The following RIC1 variants were observed in gnomAD, a reference collection of about 807,000 sequenced individuals.
The protein encoded by RIC1 is RIC1 partner of RAB6A GEF complex.
Under a neutral mutation model 169.0 loss-of-function variants are expected in RIC1, and 88 were observed. The observed-to-expected ratio is 0.52, with a 90% CI of 0.44 to 0.62. RIC1 has a LOEUF of 0.62. Among genes scored for constraint, RIC1 ranks in the 20% least tolerant of loss-of-function variants. The probability of loss-of-function intolerance (pLI) is 0.00; values close to 1 mark genes in which losing one functional copy is unlikely to be tolerated. For synonymous variants in RIC1, 790 were observed against 601.5 expected (o/e 1.31, Z -4.59); for missense variants, 1,877 against 1,725.5 (o/e 1.09, Z -1.56).
In RIC1 at chr9:5,754,844, C is replaced by A; in HGVS notation, c.1606C>A (p.Gln536Lys). ...TTTAAAAAATTTTTATTTTAAGGAG[C>A]AAAATATGATCGTGACAGGTGGCTT... ...WKLFGNITQE[Q>K]NMIVTGGLAW... The change falls in exon 15 of 26, where the codon CAA (glutamine) becomes AAA (lysine). Residue 536 changes from glutamine to lysine, a missense_variant. Around this residue, in one of 3 missense-constraint regions of RIC1, gnomAD observed 1,104 missense variants for 992.0 expected, o/e 1.11. Coordinates refer to ENST00000414202, the MANE Select transcript of RIC1 (RefSeq NM_020829.4). The A allele has an allele frequency of 6.4e-7, 1 of 1,553,036 alleles. No individual in the cohort carries two copies. The highest frequency in any genetic ancestry group is 8.8e-7 in the Non-Finnish European group (1 of 1,141,048).
At chr9:5,729,663 TTTAAG>T (rs1824239490) in intron 6 of RIC1, among the ~76,000 whole-genome samples, 1 of 152,188 alleles carries the variant, frequency 6.6e-6, no homozygotes, top group South Asian at 2.1e-4. Flanking sequence ...TGGAAAGGAA[TTTAAG>T]TTTTTAATGG....
At chr9:5,755,743 T>C (rs951811604) in intron 15 of RIC1, among the ~76,000 whole-genome samples, 1 of 152,052 alleles carries the variant, frequency 6.6e-6, no homozygotes, top group Non-Finnish European at 1.5e-5. Context: ...GCCAACATGG[T>C]GAAACCCCAT....
chr9:5,679,982 A>G (rs1210434409), intron 2 of RIC1, among the ~76,000 whole-genome samples: 7 of 152,212 alleles, frequency 4.6e-5, no homozygotes, highest in Non-Finnish European at 8.8e-5. Context: ...TGGGTTTGTC[A>G]TAGATAGCTC....
intron 2 of RIC1, among the ~76,000 whole-genome samples, chr9:5,673,735 T>A (rs191037241): frequency 1.3e-5 from 2 of 151,820 alleles, no homozygotes; most frequent in Admixed American, 1.3e-4. Flanking sequence ...AAAATCAAAT[T>A]GCATGGTAAT....
At chr9:5,723,192 A>G (rs992702645) in intron 6 of RIC1, among the ~76,000 whole-genome samples, 8 of 152,144 alleles carry the variant, frequency 5.3e-5, no homozygotes, top group African/African-American at 1.2e-4. Flanking sequence ...AAGTATTCCT[A>G]TTTCTCCACA....
At chr9:5,748,740 C>G (rs374802784) in intron 12 of RIC1, 17 of 152,576 alleles carry the variant, frequency 1.1e-4, no homozygotes, top group African/African-American at 4.1e-4. Context: ...AAAAATCGAT[C>G]AGGCAATAAC....
At chr9:5,653,277 C>G (rs78064132) in intron 1 of RIC1, among the ~76,000 whole-genome samples, 246 of 152,280 alleles carry the variant, frequency 1.6e-3, no homozygotes, top group African/African-American at 5.8e-3. Flanking sequence ...CTATTCTGTT[C>G]CATTGATTGA....
rs574173831 is a variant in RIC1 at position 5,742,229 on chromosome 9, T to C, written c.902-640T>C. Among the ~76,000 whole-genome samples the C allele has an allele frequency of 2.6e-5, 4 of 152,298 alleles. No homozygotes were observed. The South Asian group carries it at 8.3e-4, about 32-fold the overall frequency. ...GTATCTTTTGTTAGATTACCTGTCT[T>C]GGGCAAGCTCTGAGCTTTATCTCCT... On this transcript the variant is annotated intron_variant, in intron 8 of 25. Transcript: ENST00000414202.
intron 6 of RIC1, among the ~76,000 whole-genome samples, chr9:5,731,790 G>C (rs1472280167): frequency 6.6e-6 from 1 of 152,128 alleles, no homozygotes; most frequent in Non-Finnish European, 1.5e-5. Context: ...AACACCCTGA[G>C]AGGTAAATAC....
At chr9:5,659,772 A>T (rs941565244) in intron 2 of RIC1, among the ~76,000 whole-genome samples, 1 of 152,028 alleles carries the variant, frequency 6.6e-6, no homozygotes, top group Non-Finnish European at 1.5e-5. Context: ...TTTTGATGCT[A>T]TTGTAAATGG....
At chr9:5,725,332 A>G (rs1823896539) in intron 6 of RIC1, among the ~76,000 whole-genome samples, 1 of 152,082 alleles carries the variant, frequency 6.6e-6, no homozygotes, top group African/African-American at 2.4e-5. Context: ...TAGAGTTTCT[A>G]GTTTATTTGC....
intron 2 of RIC1, among the ~76,000 whole-genome samples, chr9:5,659,336 C>A (rs1819303610): frequency 6.6e-6 from 1 of 152,032 alleles, no homozygotes; most frequent in African/African-American, 2.4e-5. Context: ...AAGTGGAATC[C>A]TCCAATTTTA....
At chr9:5,745,427 C>T (rs1337883630) in intron 10 of RIC1, among the ~76,000 whole-genome samples, 13 of 152,070 alleles carry the variant, frequency 8.5e-5, no homozygotes, top group Non-Finnish European at 1.3e-4. Flanking sequence ...TCCCGAGAAA[C>T]GAGACAGCTT....
chr9:5,761,792 A>C (rs1253395166), intron 17 of RIC1, among the ~76,000 whole-genome samples: 1 of 152,232 alleles, frequency 6.6e-6, no homozygotes, highest in Non-Finnish European at 1.5e-5. Flanking sequence ...TTTAATGTGC[A>C]TAATGGTTTA....
At chr9:5,717,361 T>G (rs1175441674) in intron 4 of RIC1, among the ~76,000 whole-genome samples, 2 of 152,150 alleles carry the variant, frequency 1.3e-5, no homozygotes, top group Non-Finnish European at 2.9e-5. Context: ...TAGTTTGGAA[T>G]AAACGATGCT....
intron 2 of RIC1, among the ~76,000 whole-genome samples, chr9:5,669,965 A>G (rs2130556685): frequency 6.6e-6 from 1 of 152,276 alleles, no homozygotes; most frequent in East Asian, 1.9e-4. Flanking sequence ...TTTTATAAGG[A>G]AATGCACAGA....
intron 17 of RIC1, among the ~76,000 whole-genome samples, chr9:5,758,897 A>G (rs570262237): frequency 6.6e-6 from 1 of 151,694 alleles, no homozygotes; most frequent in African/African-American, 2.4e-5. Flanking sequence ...GGTGCACGCC[A>G]CCACGCCCAG....
chr9:5,737,773 A>T (rs1369522218), intron 7 of RIC1, among the ~76,000 whole-genome samples: 1 of 151,206 alleles, frequency 6.6e-6, no homozygotes, highest in African/African-American at 2.4e-5. Context: ...TAGTCAATTA[A>T]CACATACTTT....
At chr9:5,678,273 G>C (rs895091125) in intron 2 of RIC1, among the ~76,000 whole-genome samples, 1 of 152,182 alleles carries the variant, frequency 6.6e-6, no homozygotes, top group East Asian at 1.9e-4. Flanking sequence ...TTGGTTTCAA[G>C]TGTTTGCTAT....
Sources: allele counts gnomAD v4.1 joint callset (sites outside exome capture counted in the v4.1 genomes callset), GRCh38; gene constraint gnomAD v4.1.1; regional missense constraint gnomAD v4.1.1; transcripts MANE v1.5; gene names NCBI Gene and HGNC (gene_info 2026-07-23, HGNC 2026-07-21).